XIAP: variants seen among roughly 807,000 people sequenced by gnomAD.
XIAP encodes the protein E3 ubiquitin-protein ligase XIAP.
In XIAP, 3 loss-of-function variants were observed where a neutral mutation model predicts 33.1. The ratio of observed to expected loss-of-function variants is 0.09; its 90% confidence interval spans 0.04 to 0.23. The LOEUF is 0.23. XIAP is among the 10% of genes least tolerant of loss of function. The pLI is 1.00. For missense variants in XIAP, 264 were observed against 363.0 expected, an observed-to-expected ratio of 0.73 and a Z score of 2.22; for synonymous variants, 98 against 121.3, an observed-to-expected ratio of 0.81 and a Z score of 1.26.
intron 5 of XIAP, among the ~76,000 whole-genome samples, chrX:123,893,072 G>A (rs769939218): frequency 3.7e-5 from 4 of 108,655 alleles, no homozygotes; most frequent in South Asian, 4.1e-4. Flanking sequence ...CGCCCGCCTC[G>A]GCCTTCCAAA....
chrX:123,899,144 A>AAAATATATATAT (rs1186271285), intron 5 of XIAP, among the ~76,000 whole-genome samples: 1 of 50,184 alleles, frequency 2.0e-5, no homozygotes, highest in African/African-American at 8.4e-5. Flanking sequence ...AAAAAAAAAA[A>AAAATATATATAT]ATATATATAT....
chrX:123,894,756 C>G (rs774244145), intron 5 of XIAP, among the ~76,000 whole-genome samples: 12 of 106,621 alleles, frequency 1.1e-4, no homozygotes, highest in Non-Finnish European at 2.1e-4. Flanking sequence ...CAAAAAGGAG[C>G]AAAACTCTAC....
chrX:123,895,430 G>A (rs1304579104), intron 5 of XIAP, among the ~76,000 whole-genome samples: 1 of 112,022 alleles, frequency 8.9e-6, no homozygotes, highest in African/African-American at 3.2e-5. Context: ...TTTTTGTATA[G>A]ACATGTTATA....
intron 1 of XIAP, among the ~76,000 whole-genome samples, chrX:123,863,754 G>A (rs900582778): frequency 9.0e-6 from 1 of 111,362 alleles, no homozygotes; most frequent in African/African-American, 3.3e-5. Context: ...GTGAAAAAGT[G>A]CTGGGACCTC....
In XIAP at chrX:123,912,977, C is replaced by T. The variant is rs745822519; in HGVS notation, c.*5796C>T. 1.9e-3 allele frequency: 550 copies of T among 295,804 alleles called. No homozygotes were observed. The highest frequency in any genetic ancestry group is 2.9e-3 in the Non-Finnish European group (450 of 154,782). 24.4% of individuals were successfully genotyped at this position (295,804 alleles called of 1,213,427 possible). On this transcript the variant is annotated 3_prime_UTR_variant, in exon 7 of 7. Transcript: ENST00000371199. ...TGTATTTTTTAGTAGTGACTGGTTT[C>T]GCGGTGTTGACCAGGCTGGTCTCGA... is the stretch of plus-strand genomic sequence containing the variant.
intron 1 of XIAP, among the ~76,000 whole-genome samples, chrX:123,880,746 A>G (rs1442928233): frequency 3.7e-5 from 4 of 108,443 alleles, no homozygotes; most frequent in Non-Finnish European, 7.6e-5. Context: ...TCAAAAAAAA[A>G]AAAAAAAAAA....
At position 123,860,309 on chromosome X, in the gene XIAP, G is replaced by A. The variant is rs1396310814; in HGVS notation, c.-33+16G>A. On this transcript the variant is annotated intron_variant, in intron 1 of 6. Coordinates refer to ENST00000371199, the MANE Select transcript of XIAP (RefSeq NM_001167.4). ...TCCTGGCGCGGTGGGTACAGCTTGT[G>A]TAGGCTTTCCCCTCCCCCGCTTTCC... 3.0e-6 allele frequency: 1 copy of A among 329,142 alleles called. No homozygotes were observed. The highest frequency in any genetic ancestry group is 3.1e-5 in the Admixed American group (1 of 32,289). The allele number at this position is 329,142 out of a possible 1,213,427, so 27.1% of individuals were successfully genotyped here.
chrX:123,875,436 T>C (rs2053235629), intron 1 of XIAP, among the ~76,000 whole-genome samples: 1 of 112,273 alleles, frequency 8.9e-6, no homozygotes, highest in South Asian at 3.6e-4. Flanking sequence ...CAGATTACCT[T>C]CCAGAAAAGA....
intron 1 of XIAP, among the ~76,000 whole-genome samples, chrX:123,871,830 C>T (rs760545485): frequency 3.5e-4 from 39 of 110,682 alleles, no homozygotes; most frequent in African/African-American, 1.2e-3. Context: ...TGGCCGGGTG[C>T]GGTGGCTCAT....
At chrX:123,898,585 C>T (rs1438672840) in intron 5 of XIAP, among the ~76,000 whole-genome samples, 2 of 109,240 alleles carry the variant, frequency 1.8e-5, no homozygotes, top group African/African-American at 3.3e-5. Context: ...AACTCCTAGG[C>T]TCAAGCGATC....
At chrX:123,863,961 A>C (rs371024022) in intron 1 of XIAP, among the ~76,000 whole-genome samples, 1 of 111,513 alleles carries the variant, frequency 9.0e-6, no homozygotes, top group Non-Finnish European at 1.9e-5. Flanking sequence ...GATTCCAACT[A>C]GGCTGACAAA....
At chrX:123,906,940 A>G in intron 6 of XIAP, 48 bp from the exon 7 acceptor site, 1 of 1,186,621 alleles carries the variant, frequency 8.4e-7, no homozygotes. Flanking sequence ...ATGAATTTAA[A>G]CAACTAAGAG....
rs765378700 is a variant in XIAP, at chrX:123,886,107, A to G, written c.445A>G (p.Ile149Val). ...TTTGAGAACTGGGCAGGTTGTAGAT[A>G]TATCAGACACCATATACCCGAGGAA... ...YLLRTGQVVDISDTIYPRNPA... is the reference protein window; with the variant it reads ...YLLRTGQVVDVSDTIYPRNPA... Residue 149 changes from isoleucine to valine, a missense_variant, in exon 2 of 7, where the codon ATA (isoleucine) becomes GTA (valine). Physicochemically the swap from Ile to Val is conservative, Grantham distance 29. Transcript: ENST00000371199. 1 of 1,211,809 alleles carries G rather than the reference A, an allele frequency of 8.3e-7. No homozygotes were observed. Among genetic ancestry groups the G allele is most frequent in the South Asian group, 1.8e-5 (1 of 57,012 alleles).
At chrX:123,870,981 C>A (rs1602531639) in intron 1 of XIAP, among the ~76,000 whole-genome samples, 1 of 110,678 alleles carries the variant, frequency 9.0e-6, no homozygotes, top group Non-Finnish European at 1.9e-5. Context: ...ACTCTGTCAG[C>A]CAGGCTGCTG....
chrX:123,890,946 A>G (rs1371031769), intron 3 of XIAP, among the ~76,000 whole-genome samples: 1 of 111,012 alleles, frequency 9.0e-6, no homozygotes, highest in Non-Finnish European at 1.9e-5. Context: ...GTCTCAAAAA[A>G]AAAAAAAAAT....
At chrX:123,906,255 T>A in intron 6 of XIAP, among the ~76,000 whole-genome samples, 1 of 112,030 alleles carries the variant, frequency 8.9e-6, no homozygotes, top group East Asian at 2.8e-4. Flanking sequence ...GCTGATGACA[T>A]CCAGATCTCT....
chrX:123,867,049 C>CCCCCCCCA (rs35471589), intron 1 of XIAP, among the ~76,000 whole-genome samples: 2 of 55,075 alleles, frequency 3.6e-5, no homozygotes, highest in Non-Finnish European at 6.8e-5. Flanking sequence ...CCCCCCCCCC[C>CCCCCCCCA]TTCAACATTC....
chrX:123,896,708 G>A (rs2053464010), intron 5 of XIAP, among the ~76,000 whole-genome samples: 1 of 108,097 alleles, frequency 9.3e-6, no homozygotes, highest in East Asian at 2.9e-4. Context: ...AGCCTCCAGA[G>A]TAGCTGTGAT....
chrX:123,884,189 G>A (rs1487755513), intron 1 of XIAP, among the ~76,000 whole-genome samples: 1 of 111,893 alleles, frequency 8.9e-6, no homozygotes, highest in African/African-American at 3.2e-5. Flanking sequence ...TTCTTCTCAA[G>A]AAATCAATTA....
Sources: gnomAD v4.1 joint callset for allele counts (sites outside exome capture counted in the v4.1 genomes callset) on GRCh38, gnomAD v4.1.1 for gene constraint, MANE v1.5 for transcripts, NCBI Gene and HGNC (gene_info 2026-07-23, HGNC 2026-07-21) for gene names.